The following CACNA1C variants were observed in gnomAD, a reference collection of about 807,000 sequenced individuals.
CACNA1C encodes the protein calcium voltage-gated channel subunit alpha1 C.
In CACNA1C, 30 loss-of-function variants were observed where a neutral mutation model predicts 229.0. That is an observed-to-expected ratio of 0.13 (90% CI 0.10 to 0.18). The LOEUF (loss-of-function observed/expected upper bound fraction) is 0.18. Ranked by LOEUF, CACNA1C falls within the 10% of genes least tolerant of loss-of-function variation. The pLI is 1.00. For synonymous variants in CACNA1C, 1,114 were observed against 1,132.5 expected (o/e 0.98, Z 0.33); for missense variants, 1,658 against 2,845.0 (o/e 0.58, Z 9.49).
intron 3 of CACNA1C, among the ~76,000 whole-genome samples, chr12:2,256,069 C>CCTTG (rs2077509585): frequency 2.0e-5 from 3 of 152,300 alleles, no homozygotes; most frequent in South Asian, 2.1e-4. Context: ...ACGATCCTGA[C>CCTTG]CTTACTAGTT....
At chr12:2,567,437 C>G (rs1383127045) in intron 12 of CACNA1C, 132 bp from the exon 13 acceptor site, 1 of 622,342 alleles carries the variant, frequency 1.6e-6, no homozygotes, top group Admixed American at 2.8e-5. Flanking sequence ...TCTGTTCTGG[C>G]CGAGGTGGAT....
At chr12:2,253,800 T>G (rs568990200) in intron 3 of CACNA1C, among the ~76,000 whole-genome samples, 29 of 152,356 alleles carry the variant, frequency 1.9e-4, no homozygotes, top group Non-Finnish European at 3.5e-4. Context: ...ATGCCTCTCA[T>G]GTTGCAATGG....
chr12:1,972,773 G>C (rs890503852), intron 1 of CACNA1C, among the ~76,000 whole-genome samples: 6 of 151,922 alleles, frequency 3.9e-5, no homozygotes, highest in African/African-American at 1.5e-4. Context: ...AGTTCATATG[G>C]ACTCTCAAAA....
intron 1 of CACNA1C, among the ~76,000 whole-genome samples, chr12:2,005,792 G>A (rs1348061570): frequency 6.6e-6 from 1 of 152,148 alleles, no homozygotes; most frequent in Non-Finnish European, 1.5e-5. Flanking sequence ...AGGACAAGGT[G>A]GACTAATGGA....
At chr12:2,144,558 A>G (rs763304862) in intron 3 of CACNA1C, among the ~76,000 whole-genome samples, 2 of 151,196 alleles carry the variant, frequency 1.3e-5, no homozygotes, top group Non-Finnish European at 3.0e-5. Context: ...TTCAGTATCT[A>G]TTTACATAAT....
intron 3 of CACNA1C, 76 bp downstream of exon 3, chr12:2,120,506 T>C: frequency 1.2e-6 from 1 of 868,950 alleles, no homozygotes; most frequent in East Asian, 2.4e-5. Flanking sequence ...ATGCATGGAA[T>C]GTGGGAGAGA....
intron 1 of CACNA1C, among the ~76,000 whole-genome samples, chr12:1,999,051 G>C (rs1417092690): frequency 6.6e-6 from 1 of 152,198 alleles, no homozygotes; most frequent in African/African-American, 2.4e-5. Context: ...TTAGTTCAGT[G>C]GGTCTCAAAG....
intron 1 of CACNA1C, among the ~76,000 whole-genome samples, chr12:2,100,586 A>AGG (rs2076001386): frequency 6.8e-6 from 1 of 146,294 alleles, no homozygotes; most frequent in African/African-American, 2.5e-5. Flanking sequence ...TTCTACCAAA[A>AGG]AAAAAAAAAA....
At chr12:2,671,172 G>A (rs997388042) in intron 38 of CACNA1C, among the ~76,000 whole-genome samples, 57 of 152,112 alleles carry the variant, frequency 3.7e-4, no homozygotes, top group African/African-American at 1.3e-3. Flanking sequence ...GTGCCACCAC[G>A]CCCGGCTAAT....
intron 1 of CACNA1C, among the ~76,000 whole-genome samples, chr12:2,086,750 G>A (rs374304647): frequency 1.3e-5 from 2 of 152,274 alleles, no homozygotes; most frequent in Admixed American, 6.5e-5. Flanking sequence ...GCAATTGCAG[G>A]TGAGGAAACA....
Position 2,664,920 on chromosome 12 carries a change from G to A in CACNA1C, c.4328G>A (p.Gly1443Asp). Reference sequence around the variant, plus strand: ...TCCGAGCCCAGCAACAGCACGGAGGGTGAAACACCCTGTGGTAGCAGCTTT... The same window carrying A: ...TCCGAGCCCAGCAACAGCACGGAGGATGAAACACCCTGTGGTAGCAGCTTT... ...PESEPSNSTE[G>D]ETPCGSSFAV... The change falls in exon 35 of 47, where the codon GGT (glycine) becomes GAT (aspartate). Residue 1443 changes from glycine (G) to aspartate (D), a missense_variant. Physicochemically the swap from Gly to Asp is moderately conservative, Grantham distance 94. Transcript: ENST00000399655. 1 of 1,614,076 alleles carries A rather than the reference G, an allele frequency of 6.2e-7. No individual in the cohort carries two copies. The highest frequency in any genetic ancestry group is 8.5e-7 in the Non-Finnish European group (1 of 1,179,918).
rs545871567 is a variant in CACNA1C at position 2,281,307 on chromosome 12, G to T, written c.477+160877G>T. Among the ~76,000 whole-genome samples, 17 of 152,154 alleles carry T rather than the reference G, an allele frequency of 1.1e-4. No individual in the cohort carries two copies. The South Asian group carries it at 3.3e-3, about 30-fold the overall frequency. On this transcript the variant is annotated intron_variant, in intron 3 of 46. Transcript: ENST00000399655. ...AATACATTGTTACTATTTTTGTTTA[G>T]GCAGTCAATGATCTTTTCAATGAAA...
intron 9 of CACNA1C, among the ~76,000 whole-genome samples, chr12:2,526,537 G>T (rs550753988): frequency 1.3e-5 from 2 of 152,360 alleles, no homozygotes; most frequent in Non-Finnish European, 2.9e-5. Context: ...GCTTTGAGCC[G>T]AAACTTGCAC....
At chr12:2,540,314 A>G (rs2099866556) in intron 9 of CACNA1C, among the ~76,000 whole-genome samples, 1 of 152,138 alleles carries the variant, frequency 6.6e-6, no homozygotes, top group Non-Finnish European at 1.5e-5. Context: ...GGTGAAACCA[A>G]AACACAGATC....
rs531534681 is a variant in CACNA1C at position 2,255,312 on chromosome 12, C to T, written c.477+134882C>T. Among the ~76,000 whole-genome samples, 18 of 152,238 alleles carry T rather than the reference C, an allele frequency of 1.2e-4. 1 individual carries two copies. The South Asian group carries it at 3.5e-3, about 30-fold the overall frequency. On this transcript the variant is annotated intron_variant, in intron 3 of 46. Transcript: ENST00000399655. ...CCTAGTTACTAGGAAAGCACCATTC[C>T]CCAGGTGTGGGAGTTCTCAGTACCT... is the stretch of plus-strand genomic sequence containing the variant.
At chr12:2,085,536 C>T (rs1253843068) in intron 1 of CACNA1C, among the ~76,000 whole-genome samples, 1 of 152,178 alleles carries the variant, frequency 6.6e-6, no homozygotes, top group Non-Finnish European at 1.5e-5. Flanking sequence ...TTGCTTTCTT[C>T]TCACTCCACA....
In CACNA1C at chr12:2,488,659, A is replaced by C. The variant is rs946492698; in HGVS notation, c.916+2397A>C. On this transcript the variant is annotated intron_variant, in intron 6 of 46. Transcript: ENST00000399655. The surrounding 1 kb of genome is among the most constrained non-coding windows in gnomAD (Gnocchi z 4.0). ...AAGAGAAGTAGGCTCCCATCACAGA[A>C]ATGGCCATGAGCCAAGGGGGCCAGG... Among the ~76,000 whole-genome samples the C allele has an allele frequency of 2.0e-5, 3 of 152,212 alleles. No individual in the cohort carries two copies. The highest frequency in any genetic ancestry group is 7.2e-5 in the African/African-American group (3 of 41,450).
intron 3 of CACNA1C, among the ~76,000 whole-genome samples, chr12:2,406,221 GA>G (rs2098735806): frequency 1.3e-5 from 2 of 152,192 alleles, no homozygotes; most frequent in South Asian, 4.1e-4. Context: ...GTTTGACTGT[GA>G]TATATCTTGG....
At chr12:2,158,595 G>A (rs777539475) in intron 3 of CACNA1C, among the ~76,000 whole-genome samples, 4 of 152,160 alleles carry the variant, frequency 2.6e-5, no homozygotes, top group African/African-American at 4.8e-5. Context: ...TGATTTACCC[G>A]CAGCCATGTG....
Sources: allele counts gnomAD v4.1 joint callset (sites outside exome capture counted in the v4.1 genomes callset), GRCh38; gene constraint gnomAD v4.1.1; non-coding constraint Gnocchi (gnomAD v3.1); transcripts MANE v1.5; gene names NCBI Gene and HGNC (gene_info 2026-07-23, HGNC 2026-07-21).